NEB: variants seen among roughly 807,000 people sequenced by gnomAD.
The protein encoded by NEB is nemaline myopathy type 2.
Under a neutral mutation model 952.2 loss-of-function variants are expected in NEB, and 512 were observed. The ratio of observed to expected loss-of-function variants is 0.54; its 90% confidence interval spans 0.50 to 0.58. The LOEUF (loss-of-function observed/expected upper bound fraction) is 0.58, where lower values mean the gene tolerates loss of function less well. NEB is among the 20% of genes least tolerant of loss of function. NEB has a pLI of 0.00. For synonymous variants in NEB, 2,900 were observed against 3,149.8 expected, an observed-to-expected ratio of 0.92 and a Z score of 2.66; for missense variants, 8,428 against 9,231.1, an observed-to-expected ratio of 0.91 and a Z score of 3.56.
At chr2:151,543,013 C>A (rs1426249169) in intron 135 of NEB, among the ~76,000 whole-genome samples, 1 of 152,066 alleles carries the variant, frequency 6.6e-6, no homozygotes, top group Non-Finnish European at 1.5e-5. Context: ...CTTGAATGTT[C>A]TTCTCCCTTT....
At chr2:151,637,553 G>A (rs1431390432) in intron 63 of NEB, among the ~76,000 whole-genome samples, 1 of 152,188 alleles carries the variant, frequency 6.6e-6, no homozygotes, top group Non-Finnish European at 1.5e-5. Flanking sequence ...CAGTCTGGGT[G>A]GGTGGAATAG....
chr2:151,732,654 C>T (rs938122670), intron 3 of NEB, among the ~76,000 whole-genome samples: 1 of 152,142 alleles, frequency 6.6e-6, no homozygotes, highest in East Asian at 1.9e-4. Flanking sequence ...TAATTTCATA[C>T]ATATGATTAT....
At chr2:151,564,740 T>C (rs555646329) in intron 117 of NEB, among the ~76,000 whole-genome samples, 2 of 152,312 alleles carry the variant, frequency 1.3e-5, no homozygotes, top group African/African-American at 4.8e-5. Flanking sequence ...TAGATTATTA[T>C]TCTATCAATT....
chr2:151,553,652 A>T, intron 126 of NEB, 150 bp from the exon 127 acceptor site: 1 of 848,524 alleles, frequency 1.2e-6, no homozygotes, highest in Non-Finnish European at 1.8e-6. Context: ...CCACAGAAAC[A>T]TGTGTACACA....
In NEB at chr2:151,688,290, A is replaced by G. The variant is rs1057517399; in HGVS notation, c.2415+2T>C. 3 of 1,604,714 alleles carry G rather than the reference A, an allele frequency of 1.9e-6. No individual in the cohort carries two copies. The African/African-American group carries it at 4.0e-5, about 21-fold the overall frequency. On this transcript the variant is annotated splice_donor_variant, in intron 25 of 181. Coordinates refer to ENST00000397345, the MANE Select transcript of NEB (RefSeq NM_001164508.2). LOFTEE classifies it high-confidence loss of function. ...ATAGGCTTCTGTGGCTTTGGTACTTACATCACTCAGATTATAGGCATTGAC... is the reference window on the plus strand; with the variant it reads ...ATAGGCTTCTGTGGCTTTGGTACTTGCATCACTCAGATTATAGGCATTGAC...
chr2:151,722,852 A>G (rs866594622), intron 9 of NEB, among the ~76,000 whole-genome samples: 2 of 152,180 alleles, frequency 1.3e-5, no homozygotes, highest in Non-Finnish European at 1.5e-5. Flanking sequence ...TCCAGCCACA[A>G]ATATGTTTTA....
intron 64 of NEB, among the ~76,000 whole-genome samples, chr2:151,635,632 G>T (rs927243567): frequency 5.9e-5 from 9 of 151,696 alleles, no homozygotes; most frequent in Non-Finnish European, 1.2e-4. Context: ...CTTGACCCCA[G>T]GGGGCAGAGG....
intron 181 of NEB, among the ~76,000 whole-genome samples, chr2:151,488,367 C>T (rs2052931176): frequency 6.6e-6 from 1 of 151,766 alleles, no homozygotes; most frequent in African/African-American, 2.4e-5. Context: ...ATAATTGTGG[C>T]CGGGCTGAGT....
chr2:151,532,746 CTTTT>C (rs5835372), intron 143 of NEB, among the ~76,000 whole-genome samples: 5 of 149,832 alleles, frequency 3.3e-5, no homozygotes, highest in African/African-American at 1.2e-4. Context: ...GCTCAATTAA[CTTTT>C]TTTTTTTGGT....
rs2096228527 is a variant in NEB at position 151,563,736 on chromosome 2, A to G, written c.18580-17T>C. The G allele has an allele frequency of 6.2e-7, 1 of 1,611,274 alleles. No individual in the cohort carries two copies. The highest frequency in any genetic ancestry group is 2.2e-5 in the East Asian group (1 of 44,870). On this transcript the variant is annotated splice_polypyrimidine_tract_variant and intron_variant, in intron 118 of 181. Coordinates refer to ENST00000397345, the MANE Select transcript of NEB (RefSeq NM_001164508.2). ...GTATTTAAGCTGTAAAGTGGGTTAA[A>G]CATTGAGAATCGCTGGAGTTTCCTA...
intron 135 of NEB, among the ~76,000 whole-genome samples, chr2:151,544,785 C>T (rs999805723): frequency 6.6e-6 from 1 of 152,212 alleles, no homozygotes; most frequent in African/African-American, 2.4e-5. Flanking sequence ...TAATCAGCAG[C>T]CATCAGAGCT....
Position 151,550,947 on chromosome 2 carries a change from AATT to A in NEB, c.19944+788_19944+790del, listed in dbSNP as rs5835373. 3.6e-3 allele frequency among the ~76,000 whole-genome samples: 506 copies of A among 138,872 alleles called. 5 individuals are homozygous for A. The highest frequency in any genetic ancestry group is 0.036 in the East Asian group (172 of 4,780). The allele number at this position is 138,872 out of a possible 152,430, so 91.1% of individuals were successfully genotyped here. On this transcript the variant is annotated intron_variant, in intron 129 of 181. Transcript: ENST00000397345. ...GGCATGAGCCACTGTGCCTGGCCAA[AATT>A]ATTATTATTATTATTATTATTATTA...
chr2:151,618,279 T>C lies in NEB; in HGVS notation c.11072A>G (p.Asn3691Ser), dbSNP rs1184035076. ...CAGTGAGGATTGAAGACTCACCTTA[T>C]TCATGTTTAAAGCATTGTTTTTTGC... ...VLAKNNALNM[N>S]KRLYTEAWDN... The change falls in exon 74 of 182, where the codon AAT becomes AGT. Residue 3691 changes from asparagine (N) to serine (S), a missense_variant. By Grantham distance (46) the Asn-to-Ser change is conservative (BLOSUM62 1). This residue lies in a region of NEB where 1,772 missense variants were observed against 1,960.3 expected (regional missense o/e 0.90). Coordinates refer to ENST00000397345, the MANE Select transcript of NEB (RefSeq NM_001164508.2). 8 of 1,613,674 alleles carry C rather than the reference T, an allele frequency of 5.0e-6. No individual in the cohort carries two copies. The highest frequency in any genetic ancestry group is 5.9e-6 in the Non-Finnish European group (7 of 1,179,706).
At chr2:151,727,562 T>C in intron 5 of NEB, 129 bp downstream of exon 5, 1 of 812,162 alleles carries the variant, frequency 1.2e-6, no homozygotes, top group Non-Finnish European at 1.9e-6. Flanking sequence ...GAGCCTATAA[T>C]TTGCAAAATA....
Position 151,533,549 on chromosome 2 carries a change from G to A in NEB, c.21313-3C>T. On this transcript the variant is annotated splice_region_variant and splice_polypyrimidine_tract_variant and intron_variant, in intron 142 of 181. Coordinates refer to ENST00000397345, the MANE Select transcript of NEB (RefSeq NM_001164508.2). ...TTGGCACTAGATTTATATTTTCTCT[G>A]TCCATGCAAAGAGCAGTGAAGCACA... 1.9e-6 allele frequency: 3 copies of A among 1,542,484 alleles called. No individual in the cohort carries two copies. The highest frequency in any genetic ancestry group is 2.6e-6 in the Non-Finnish European group (3 of 1,139,010).
Position 151,694,558 on chromosome 2 carries a change from C to G in NEB, c.1746G>C (p.Leu582=), listed in dbSNP as rs762487575. 2 of 1,612,044 alleles carry G rather than the reference C, an allele frequency of 1.2e-6. No individual in the cohort carries two copies. The highest frequency in any genetic ancestry group is 2.2e-5 in the South Asian group (2 of 90,878). ...TCTTGGTGTTGGCTTTGGCTGCCAGCAGGGGAATGGCATCCACTTTAATGT... is the reference window on the plus strand; with the variant it reads ...TCTTGGTGTTGGCTTTGGCTGCCAGGAGGGGAATGGCATCCACTTTAATGT... ...KFDIKVDAIP[L]LAAKANTKNT... The change falls in exon 19 of 182, where the codon CTG becomes CTC. Residue 582 remains leucine (L), a synonymous_variant. Coordinates refer to ENST00000397345, the MANE Select transcript of NEB (RefSeq NM_001164508.2).
Position 151,514,817 on chromosome 2 carries a change from C to T in NEB, c.23016+1G>A, listed in dbSNP as rs111833078. The T allele has an allele frequency of 4.5e-6, 7 of 1,559,586 alleles. No homozygotes were observed. The highest frequency in any genetic ancestry group is 6.1e-6 in the Non-Finnish European group (7 of 1,149,476). On this transcript the variant is annotated splice_donor_variant, in intron 158 of 181. Coordinates refer to ENST00000397345, the MANE Select transcript of NEB (RefSeq NM_001164508.2). LOFTEE classifies it high-confidence loss of function. ...GAAAGAAAAGACCAAGTGGGCACTA[C>T]CTCGCTTGCTATTTTAGTTGCATAT...
At chr2:151,726,410 T>C (rs76177996) in intron 5 of NEB, among the ~76,000 whole-genome samples, 7,574 of 152,258 alleles carry the variant, frequency 0.05, 364 homozygotes, top group African/African-American at 0.12. Context: ...GCTGCTATCA[T>C]TTAATGAAAA....
chr2:151,662,205 A>C lies in NEB; in HGVS notation c.5900T>G (p.Leu1967Trp). The C allele has an allele frequency of 6.2e-7, 1 of 1,613,676 alleles. No homozygotes were observed. Among genetic ancestry groups the C allele is most frequent in the African/African-American group, 1.3e-5 (1 of 75,016 alleles). ...CGAGTCCATGAGTGTGGAATACTTC[A>C]AAGTGTCTGGGTGCTGGCGGTACTT... ...EKKYRQHPDT[L>W]KYSTLMDSMN... Residue 1967 changes from leucine to tryptophan, a missense_variant, in exon 46 of 182, where the codon TTG (leucine) becomes TGG (tryptophan). Coordinates refer to ENST00000397345, the MANE Select transcript of NEB (RefSeq NM_001164508.2).
Sources: gnomAD v4.1 joint callset for allele counts (sites outside exome capture counted in the v4.1 genomes callset) on GRCh38, gnomAD v4.1.1 for gene constraint, gnomAD v4.1.1 regional missense constraint, MANE v1.5 for transcripts, NCBI Gene and HGNC (gene_info 2026-07-23, HGNC 2026-07-21) for gene names.